Variants in ABLIM1 observed in about 807,000 individuals in gnomAD.
The protein encoded by ABLIM1 is actin binding LIM protein 1.
Under a neutral mutation model 107.0 loss-of-function variants are expected in ABLIM1, and 40 were observed. The observed-to-expected ratio is 0.37, with a 90% CI of 0.29 to 0.49. ABLIM1 has a LOEUF of 0.49. ABLIM1 is among the 20% of genes least tolerant of loss of function. The pLI, the probability that ABLIM1 is intolerant of heterozygous loss-of-function variation, is 0.97. For synonymous variants in ABLIM1, 357 were observed against 357.3 expected, an observed-to-expected ratio of 1.00 and a Z score of 0.01; for missense variants, 857 against 1,008.5, an observed-to-expected ratio of 0.85 and a Z score of 2.04.
At position 114,523,545 on chromosome 10, in the gene ABLIM1, G is replaced by GGGCA. The variant is rs1468036761; in HGVS notation, c.894+21459_894+21460insTGCC. ...AACCATGAAGAAGCATTAACCTGTG[G>GGGCA]GGTTTATAATAAGAGCAGAAATTTA... On this transcript the variant is annotated intron_variant, in intron 6 of 22. Coordinates refer to ENST00000533213, the MANE Select transcript of ABLIM1 (RefSeq NM_002313.7). Among the ~76,000 whole-genome samples, 510 of 152,198 alleles carry GGGCA rather than the reference G, an allele frequency of 3.4e-3. 6 individuals are homozygous for GGGCA. Among genetic ancestry groups the GGGCA allele is most frequent in the African/African-American group, 0.012 (495 of 41,520 alleles).
chr10:114,609,040 G>A (rs1443332743), intron 1 of ABLIM1, among the ~76,000 whole-genome samples: 2 of 151,718 alleles, frequency 1.3e-5, no homozygotes, highest in East Asian at 3.9e-4. Context: ...AGCTCTCTCA[G>A]TCCCAAATCA....
At chr10:114,766,266 T>C (rs1235368215) in intron 1 of ABLIM1, among the ~76,000 whole-genome samples, 2 of 152,242 alleles carry the variant, frequency 1.3e-5, no homozygotes, top group African/African-American at 4.8e-5. Flanking sequence ...TGATATTTAT[T>C]ATTATAGATA....
At chr10:114,692,301 CTTTCAAAGA>C (rs1433262407) in intron 1 of ABLIM1, among the ~76,000 whole-genome samples, 10 of 152,322 alleles carry the variant, frequency 6.6e-5, no homozygotes, top group Non-Finnish European at 1.3e-4. Flanking sequence ...TTCAAAAAGA[CTTTCAAAGA>C]TTTCAAAGAT....
At chr10:114,588,487 C>CTTTTTTTTTTTTTTTTTTTTT (rs34043960) in intron 2 of ABLIM1, among the ~76,000 whole-genome samples, 23 of 76,558 alleles carry the variant, frequency 3.0e-4, no homozygotes, top group East Asian at 4.4e-4. Flanking sequence ...TTCTTTCTTT[C>CTTTTTTTTTTTTTTTTTTTTT]TTTTTTTTTT....
intron 6 of ABLIM1, among the ~76,000 whole-genome samples, chr10:114,497,523 A>G (rs546368571): frequency 1.3e-5 from 2 of 152,036 alleles, no homozygotes; most frequent in Non-Finnish European, 2.9e-5. Flanking sequence ...ACTAAAAAAA[A>G]TATTAAATAT....
chr10:114,761,820 G>A (rs1268887339), intron 1 of ABLIM1, among the ~76,000 whole-genome samples: 1 of 152,014 alleles, frequency 6.6e-6, no homozygotes, highest in Non-Finnish European at 1.5e-5. Context: ...CCTTGGAAAG[G>A]CCTTCCCTCC....
chr10:114,626,163 G>A (rs913794745), intron 1 of ABLIM1, among the ~76,000 whole-genome samples: 13 of 152,124 alleles, frequency 8.5e-5, no homozygotes, highest in African/African-American at 2.9e-4. Context: ...TGGTGCCAGG[G>A]TGTAGGTCAC....
In ABLIM1 at chr10:114,462,971, C is replaced by T. The variant is rs10510003; in HGVS notation, c.1441+2727G>A. On this transcript the variant is annotated intron_variant, in intron 12 of 22. Transcript: ENST00000533213. Reference sequence around the variant, plus strand: ...CTCGGCACTAACTCTTGGAGATACACCTTATTAGCCTTCCCAGGGTGCTAA... The same window carrying T: ...CTCGGCACTAACTCTTGGAGATACATCTTATTAGCCTTCCCAGGGTGCTAA... 3,357 of 1,291,774 alleles carry T rather than the reference C, an allele frequency of 2.6e-3. 82 individuals carry two copies. The East Asian group carries it at 0.044, about 17-fold the overall frequency. The allele number at this position is 1,291,774 out of a possible 1,614,324, so 80.0% of individuals were successfully genotyped here.
intron 4 of ABLIM1, among the ~76,000 whole-genome samples, chr10:114,564,909 C>T (rs1248075461): frequency 1.3e-5 from 2 of 152,206 alleles, no homozygotes; most frequent in African/African-American, 4.8e-5. Context: ...ATGGCCAACA[C>T]ATATGTGCTT....
At chr10:114,473,736 T>G (rs1156703085) in intron 9 of ABLIM1, 143 bp downstream of exon 9, 1 of 606,386 alleles carries the variant, frequency 1.6e-6, no homozygotes, top group African/African-American at 1.8e-5. Context: ...TTGAGGAGAC[T>G]GTTCTACAAA....
chr10:114,452,098 A>G (rs2062004634), intron 13 of ABLIM1, among the ~76,000 whole-genome samples: 1 of 152,192 alleles, frequency 6.6e-6, no homozygotes. Flanking sequence ...TTTTCAACTA[A>G]TGAGTGGAAC....
At position 114,444,152 on chromosome 10, in the gene ABLIM1, G is replaced by GA. The variant is rs11338035; in HGVS notation, c.1828-19dup. On this transcript the variant is annotated intron_variant, in intron 16 of 22. Coordinates refer to ENST00000533213, the MANE Select transcript of ABLIM1 (RefSeq NM_002313.7). ...GAGTTAAGCTATTCACAGAAAAAAG[G>GA]AAAAAAAAAAAAAAAAGAAAGCAAA... 193,064 of 1,250,492 alleles carry GA rather than the reference G, an allele frequency of 0.15. 2,704 individuals carry two copies. Among genetic ancestry groups the GA allele is most frequent in the African/African-American group, 0.23 (14,237 of 61,234 alleles). 77.5% of individuals were successfully genotyped at this position (1,250,492 alleles called of 1,614,324 possible). A position where few individuals can be genotyped will look rare whatever the true frequency, so the allele number is the denominator to read the frequency against.
At chr10:114,604,896 T>C (rs2076303423) in intron 1 of ABLIM1, among the ~76,000 whole-genome samples, 1 of 152,244 alleles carries the variant, frequency 6.6e-6, no homozygotes, top group Admixed American at 6.5e-5. Context: ...CTTTTCTCTA[T>C]GTCCGAACAA....
intron 1 of ABLIM1, among the ~76,000 whole-genome samples, chr10:114,759,569 G>A (rs1190514276): frequency 6.6e-6 from 1 of 152,164 alleles, no homozygotes; most frequent in Admixed American, 6.5e-5. Flanking sequence ...GTCTCTGATA[G>A]TAATTATACC....
rs1035847647 is a variant in ABLIM1, at chr10:114,538,501, A to G, written c.894+6504T>C. 1.4e-4 allele frequency among the ~76,000 whole-genome samples: 22 copies of G among 152,254 alleles called. No homozygotes were observed. In the East Asian group the frequency reaches 4.1e-3, roughly 28 times the overall value. ...TTATGTGGTGGGTGTACAGGCTGTC[A>G]CAGACATCACTGCACGTTCCCAGAG... On this transcript the variant is annotated intron_variant, in intron 6 of 22. Coordinates refer to ENST00000533213, the MANE Select transcript of ABLIM1 (RefSeq NM_002313.7).
At chr10:114,665,175 C>T (rs1429659459) in intron 1 of ABLIM1, among the ~76,000 whole-genome samples, 1 of 151,906 alleles carries the variant, frequency 6.6e-6, no homozygotes, top group South Asian at 2.1e-4. Context: ...TTTACATGAA[C>T]AACTTTATGT....
chr10:114,627,272 T>A (rs913408850), intron 1 of ABLIM1, among the ~76,000 whole-genome samples: 1 of 152,158 alleles, frequency 6.6e-6, no homozygotes, highest in Admixed American at 6.6e-5. Context: ...TATGTCCACA[T>A]ATCCCCAATC....
Position 114,461,445 on chromosome 10 carries a change from T to C in ABLIM1, c.1441+4253A>G, listed in dbSNP as rs113872296. Among the ~76,000 whole-genome samples, 1,160 of 151,976 alleles carry C rather than the reference T, an allele frequency of 7.6e-3. 17 individuals are homozygous for C. The highest frequency in any genetic ancestry group is 0.027 in the African/African-American group (1,112 of 41,412). On this transcript the variant is annotated intron_variant, in intron 12 of 22. Transcript: ENST00000533213. ...ACAGCATAATTTCTTTATGATTTTA[T>C]AAACATTCTCTAAAGTATAATCTTG...
At chr10:114,498,071 A>C (rs1375944043) in intron 6 of ABLIM1, among the ~76,000 whole-genome samples, 2 of 152,208 alleles carry the variant, frequency 1.3e-5, no homozygotes, top group East Asian at 3.9e-4. Context: ...CTTTGTGGAC[A>C]TGAGGTACAG....
Sources: allele counts gnomAD v4.1 joint callset (sites outside exome capture counted in the v4.1 genomes callset), GRCh38; gene constraint gnomAD v4.1.1; transcripts MANE v1.5; gene names NCBI Gene and HGNC (gene_info 2026-07-23, HGNC 2026-07-21).